The following ADPRHL1 variants were observed in gnomAD, a reference collection of about 807,000 sequenced individuals.
ADPRHL1 encodes inactive ADP-ribosyltransferase ARH2.
A neutral mutation model predicts 44.1 loss-of-function variants in ADPRHL1; 43 were observed. The observed-to-expected ratio is 0.98, with a 90% CI of 0.76 to 1.26. ADPRHL1 has a LOEUF of 1.26. ADPRHL1 is among the 50% of genes most tolerant of loss of function. The pLI, the probability that ADPRHL1 is intolerant of heterozygous loss-of-function variation, is 0.00. For missense variants in ADPRHL1, 2,022 were observed against 2,496.9 expected, an observed-to-expected ratio of 0.81 and a Z score of 4.05; for synonymous variants, 878 against 1,017.4, an observed-to-expected ratio of 0.86 and a Z score of 2.61.
intron 4 of ADPRHL1, among the ~76,000 whole-genome samples, chr13:113,428,415 G>GTGCTCC (rs77157562): frequency 1.4e-4 from 21 of 152,190 alleles, no homozygotes; most frequent in Non-Finnish European, 2.2e-4. Context: ...GAAGCTGCCT[G>GTGCTCC]TGCTCCCCCT....
intron 3 of ADPRHL1, among the ~76,000 whole-genome samples, chr13:113,433,318 C>T (rs934852303): frequency 6.6e-6 from 1 of 152,178 alleles, no homozygotes; most frequent in Non-Finnish European, 1.5e-5. Flanking sequence ...CAGGGTCCCC[C>T]CGATCCCACC....
chr13:113,406,643 T>G lies in ADPRHL1; in HGVS notation c.2639A>C (p.Glu880Ala). The stretch of plus-strand genomic sequence containing the variant: ...GGTGGGAAATTCTGTGTGGGCATTT[T>G]CAACCACATTCTCTCCTCCACAAAT... ...PCICGGENVV[E>A]NAHTEFPTVT... The change falls in exon 8 of 8, where the codon GAA (glutamate) becomes GCA (alanine). Residue 880 changes from glutamate to alanine, a missense_variant. Transcript: ENST00000612156. 8.2e-7 allele frequency: 1 copy of G among 1,223,376 alleles called. No homozygotes were observed. Among genetic ancestry groups the G allele is most frequent in the Non-Finnish European group, 1.0e-6 (1 of 986,030 alleles). The allele number at this position is 1,223,376 out of a possible 1,614,324, so 75.8% of individuals were successfully genotyped here.
intron 3 of ADPRHL1, 40 bp from the exon 4 acceptor site, chr13:113,429,132 G>A: frequency 6.3e-7 from 1 of 1,584,928 alleles, no homozygotes; most frequent in South Asian, 1.1e-5. Flanking sequence ...CATCACCTGG[G>A]CCGCTTGGGA....
At chr13:113,451,023 C>T (rs960246851) in intron 1 of ADPRHL1, among the ~76,000 whole-genome samples, 5 of 151,958 alleles carry the variant, frequency 3.3e-5, no homozygotes, top group South Asian at 2.1e-4. Context: ...TGCTGGACCA[C>T]GATCCGCCTG....
rs1595535421 is a variant in ADPRHL1, at chr13:113,405,306, A to C, written c.3976T>G (p.Trp1326Gly). The C allele has an allele frequency of 8.1e-7, 1 of 1,231,518 alleles. No homozygotes were observed. Among genetic ancestry groups the C allele is most frequent in the South Asian group, 4.1e-5 (1 of 24,312 alleles). 76.3% of individuals were successfully genotyped at this position (1,231,518 alleles called of 1,614,324 possible). Residue 1326 changes from tryptophan (W) to glycine (G), a missense_variant, in exon 8 of 8, where the codon TGG (tryptophan) becomes GGG (glycine). Physicochemically the swap from Trp to Gly is radical, Grantham distance 184. Coordinates refer to ENST00000612156, the MANE Select transcript of ADPRHL1 (RefSeq NM_001394807.1). ...CCCCGCTGGTGGGTGCCACCTACCC[A>C]CCCCATGTCCACCTCCGCGGGAGGC... ...AVPPAEVDMG[W>G]VGGTHQRGPP...
rs942864862 is a variant in ADPRHL1, at chr13:113,406,123, C to G, written c.3159G>C (p.Glu1053Asp). ...CTGTCATGCCCATCGGGGTGACACC[C>G]TCAGGCCCCGTACGCCCCTTGGATG... The part of the protein sequence containing the change: ...AASSKGRTGP[E>D]GVTPMGMTVP... Residue 1053 changes from glutamate to aspartate, a missense_variant, in exon 8 of 8, where the codon GAG (glutamate) becomes GAC (aspartate). Glu to Asp is a conservative substitution (Grantham distance 45). This residue lies in a region of ADPRHL1 where 1,221 missense variants were observed against 1,517.8 expected (regional missense o/e 0.80). Transcript: ENST00000612156. 1.6e-6 allele frequency: 2 copies of G among 1,232,066 alleles called. No individual in the cohort carries two copies. The highest frequency in any genetic ancestry group is 3.1e-5 in the African/African-American group (2 of 64,430). 76.3% of individuals were successfully genotyped at this position (1,232,066 alleles called of 1,614,324 possible). A position where few individuals can be genotyped will look rare whatever the true frequency, so the allele number is the denominator to read the frequency against.
At position 113,400,254 on chromosome 13, in the gene ADPRHL1, T is replaced by A. The variant is rs1477739733; in HGVS notation, c.*3124A>T. The A allele has an allele frequency of 6.7e-6, 1 of 148,374 alleles. No individual in the cohort carries two copies. 9.2% of individuals were successfully genotyped at this position (148,374 alleles called of 1,614,324 possible). A position where few individuals can be genotyped will look rare whatever the true frequency, so the allele number is the denominator to read the frequency against. On this transcript the variant is annotated 3_prime_UTR_variant, in exon 8 of 8. Coordinates refer to ENST00000612156, the MANE Select transcript of ADPRHL1 (RefSeq NM_001394807.1). ...TCCACCTCCCGGGTTCACGCCATTCTCCTGTCTCAGGCTCCCGAGTAGCTG... is the reference window on the plus strand; with the variant it reads ...TCCACCTCCCGGGTTCACGCCATTCACCTGTCTCAGGCTCCCGAGTAGCTG...
Position 113,405,403 on chromosome 13 carries a change from GTTC to G in ADPRHL1, c.3876_3878del (p.Glu1292_Asn1293delinsAsp). 8.1e-7 allele frequency: 1 copy of G among 1,231,968 alleles called. No homozygotes were observed. The highest frequency in any genetic ancestry group is 1.0e-6 in the Non-Finnish European group (1 of 988,152). The allele number at this position is 1,231,968 out of a possible 1,614,324, so 76.3% of individuals were successfully genotyped here. On this transcript the variant is annotated inframe_deletion, in exon 8 of 8. Transcript: ENST00000612156. ...CGCCCTCCCTGCCCTTTGCCTGTGG[GTTC>G]TCAGGAGGCGACGGCGGGAGGCCAG...
chr13:113,437,003 G>A lies in ADPRHL1; in HGVS notation c.380-3136C>T, dbSNP rs148148198. ...CCCCGGGACCCAGCACCCAGGTGTAGAGTGAGCATAGGTGTACCCTGGGAC... is the reference window on the plus strand; with the variant it reads ...CCCCGGGACCCAGCACCCAGGTGTAAAGTGAGCATAGGTGTACCCTGGGAC... On this transcript the variant is annotated intron_variant, in intron 2 of 7. Transcript: ENST00000612156. Among the ~76,000 whole-genome samples, 38 of 147,708 alleles carry A rather than the reference G, an allele frequency of 2.6e-4. 2 individuals are homozygous for A. The highest frequency in any genetic ancestry group is 9.4e-4 in the African/African-American group (37 of 39,380).
chr13:113,402,234 A>G lies in ADPRHL1; in HGVS notation c.*1144T>C, dbSNP rs2043767674. Reference sequence around the variant, plus strand: ...CGGGTCCGGGTTTCAGAGGCCACCGAGTGGCCTGGGACGATGGATCGCGAC... The same window carrying G: ...CGGGTCCGGGTTTCAGAGGCCACCGGGTGGCCTGGGACGATGGATCGCGAC... On this transcript the variant is annotated 3_prime_UTR_variant, in exon 8 of 8. Transcript: ENST00000612156. 6.6e-6 allele frequency: 1 copy of G among 152,220 alleles called. No individual in the cohort carries two copies. The highest frequency in any genetic ancestry group is 2.1e-4 in the South Asian group (1 of 4,828). The allele number at this position is 152,220 out of a possible 1,614,324, so 9.4% of individuals were successfully genotyped here. A position where few individuals can be genotyped will look rare whatever the true frequency, so the allele number is the denominator to read the frequency against.
At chr13:113,425,384 G>C (rs1184934524) in intron 4 of ADPRHL1, among the ~76,000 whole-genome samples, 2 of 152,192 alleles carry the variant, frequency 1.3e-5, no homozygotes, top group African/African-American at 4.8e-5. Context: ...CCAACATGCT[G>C]ACATTTGTAG....
At chr13:113,449,910 G>T (rs1359522994) in intron 1 of ADPRHL1, among the ~76,000 whole-genome samples, 1 of 152,114 alleles carries the variant, frequency 6.6e-6, no homozygotes, top group Admixed American at 6.5e-5. Flanking sequence ...TCTGCCACTC[G>T]CTGGGCTGTG....
At chr13:113,450,494 T>C (rs2044170980) in intron 1 of ADPRHL1, among the ~76,000 whole-genome samples, 1 of 152,108 alleles carries the variant, frequency 6.6e-6, no homozygotes, top group African/African-American at 2.4e-5. Context: ...CTACTACCAA[T>C]GCACGGAGAC....
chr13:113,444,453 G>A lies in ADPRHL1; in HGVS notation c.351C>T (p.Leu117=), dbSNP rs756472053. Residue 117 remains leucine (L), a synonymous_variant, in exon 2 of 8, where the codon CTC becomes CTT. Transcript: ENST00000612156. ...TTTCATTGAACGGTGTGTGCCAGGC[G>A]AGAAGGTAGTTATTGGGCTTTAGCT... ...CAQLKPNNYL[L]AWHTPFNEKG... 3.5e-5 allele frequency: 57 copies of A among 1,614,106 alleles called. No individual in the cohort carries two copies. The highest frequency in any genetic ancestry group is 3.5e-4 in the South Asian group (32 of 91,090).
intron 2 of ADPRHL1, among the ~76,000 whole-genome samples, chr13:113,442,679 T>C (rs2044107413): frequency 6.6e-6 from 1 of 152,212 alleles, no homozygotes; most frequent in Non-Finnish European, 1.5e-5. Flanking sequence ...TTGCTGTCAT[T>C]TTCTTCATGT....
At chr13:113,443,246 C>A (rs2044111258) in intron 2 of ADPRHL1, among the ~76,000 whole-genome samples, 2 of 152,102 alleles carry the variant, frequency 1.3e-5, no homozygotes, top group Admixed American at 1.3e-4. Flanking sequence ...TATAACTATT[C>A]TTGACCTTTG....
At position 113,453,366 on chromosome 13, in the gene ADPRHL1, C is replaced by T. The variant is rs2044190855; in HGVS notation, c.72G>A (p.Lys24=). 6.2e-7 allele frequency: 1 copy of T among 1,614,188 alleles called. No homozygotes were observed. Among genetic ancestry groups the T allele is most frequent in the Non-Finnish European group, 8.5e-7 (1 of 1,180,030 alleles). Reference sequence around the variant, plus strand: ...TCTTCATGCCTACAGTGCTGTTCTCCTTGCAGACATTTCTGTAGCCAAGAG... The same window carrying T: ...TCTTCATGCCTACAGTGCTGTTCTCTTTGCAGACATTTCTGTAGCCAAGAG... The part of the protein sequence containing the change: ...GDALGYRNVC[K]ENSTVGMKIQ... Residue 24 remains lysine (K), a synonymous_variant, in exon 1 of 8, where the codon AAG becomes AAA. Transcript: ENST00000612156. The surrounding 1 kb of genome is among the most constrained non-coding windows in gnomAD (Gnocchi z 5.4).
At chr13:113,437,704 C>A (rs1490533769) in intron 2 of ADPRHL1, among the ~76,000 whole-genome samples, 1 of 152,226 alleles carries the variant, frequency 6.6e-6, no homozygotes, top group African/African-American at 2.4e-5. Context: ...TATCTGCAGA[C>A]CTGCAGTTTG....
At chr13:113,422,558 G>A (rs953133356) in intron 7 of ADPRHL1, 5 of 490,280 alleles carry the variant, frequency 1.0e-5, no homozygotes, top group African/African-American at 9.7e-5. Flanking sequence ...CTGCGGGTGA[G>A]TGCCACGCAT....
Sources: allele counts gnomAD v4.1 joint callset (sites outside exome capture counted in the v4.1 genomes callset), GRCh38; gene constraint gnomAD v4.1.1; regional missense constraint gnomAD v4.1.1; non-coding constraint Gnocchi (gnomAD v3.1); transcripts MANE v1.5; gene names NCBI Gene and HGNC (gene_info 2026-07-23, HGNC 2026-07-21).